The following IP6K1 variants were observed in gnomAD, a reference collection of about 807,000 sequenced individuals.
IP6K1 encodes inositol hexakisphosphate kinase 1.
IP6K1 carries 13 observed loss-of-function variants against 38.3 expected under a neutral mutation model. The observed-to-expected ratio is 0.34, with a 90% CI of 0.22 to 0.54. The LOEUF (loss-of-function observed/expected upper bound fraction) is 0.54, where lower values mean the gene tolerates loss of function less well. IP6K1 is among the 20% of genes least tolerant of loss of function. The pLI, the probability that IP6K1 is intolerant of heterozygous loss-of-function variation, is 0.92. For synonymous variants in IP6K1, 212 were observed against 229.9 expected (o/e 0.92, Z 0.70); for missense variants, 397 against 599.8 (o/e 0.66, Z 3.53).
intron 1 of IP6K1, among the ~76,000 whole-genome samples, chr3:49,768,809 A>G (rs2080932706): frequency 6.6e-6 from 1 of 152,122 alleles, no homozygotes; most frequent in Non-Finnish European, 1.5e-5. Flanking sequence ...TCATTGAGAC[A>G]AAAAGATTAT....
At chr3:49,732,374 G>T (rs1356194160) in intron 4 of IP6K1, among the ~76,000 whole-genome samples, 1 of 152,156 alleles carries the variant, frequency 6.6e-6, no homozygotes, top group Non-Finnish European at 1.5e-5. Context: ...CACATACGCA[G>T]ATCTGTGATT....
chr3:49,742,418 A>G (rs2080677281), intron 2 of IP6K1, among the ~76,000 whole-genome samples: 1 of 152,130 alleles, frequency 6.6e-6, no homozygotes, highest in Admixed American at 6.5e-5. Context: ...GCGTGGTGGT[A>G]CACGCCTGTA....
At chr3:49,757,972 T>A (rs1333013862) in intron 1 of IP6K1, among the ~76,000 whole-genome samples, 2 of 152,170 alleles carry the variant, frequency 1.3e-5, no homozygotes, top group African/African-American at 4.8e-5. Flanking sequence ...AGCATTGACC[T>A]TTTTAGATTA....
At chr3:49,765,431 GGAGA>G (rs2080902756) in intron 1 of IP6K1, among the ~76,000 whole-genome samples, 2 of 147,718 alleles carry the variant, frequency 1.4e-5, no homozygotes, top group Admixed American at 1.3e-4. Flanking sequence ...CATGAGGTCA[GGAGA>G]TGGAGACCAT....
At chr3:49,747,620 C>T (rs1575313110) in intron 2 of IP6K1, among the ~76,000 whole-genome samples, 198 bp downstream of exon 2, 1 of 152,176 alleles carries the variant, frequency 6.6e-6, no homozygotes, top group Admixed American at 6.6e-5. Context: ...TCAGCTTTAC[C>T]TATTAATAAA....
Position 49,727,734 on chromosome 3 carries a change from G to A in IP6K1, c.793-79C>T. 6.8e-7 allele frequency: 1 copy of A among 1,459,968 alleles called. No individual in the cohort carries two copies. Among genetic ancestry groups the A allele is most frequent in the Non-Finnish European group, 9.3e-7 (1 of 1,076,910 alleles). The allele number at this position is 1,459,968 out of a possible 1,614,324, so 90.4% of individuals were successfully genotyped here. On this transcript the variant is annotated intron_variant, in intron 5 of 5. Coordinates refer to ENST00000321599, the MANE Select transcript of IP6K1 (RefSeq NM_153273.4). This position sits in a 1 kb window ranked among gnomAD's most constrained non-coding sequence, Gnocchi z 5.9. ...CAGTGCCCTGGGCAAACACTGTCTG[G>A]AAGGGACTTTGACCAACCTGAGCTT...
intron 1 of IP6K1, among the ~76,000 whole-genome samples, chr3:49,785,247 C>T (rs1451976084): frequency 2.7e-5 from 4 of 148,348 alleles, no homozygotes; most frequent in Non-Finnish European, 6.0e-5. Flanking sequence ...GTGGCTCACA[C>T]TTGTAACCCC....
intron 1 of IP6K1, among the ~76,000 whole-genome samples, chr3:49,763,454 T>G (rs1269519491): frequency 6.6e-6 from 1 of 151,852 alleles, no homozygotes; most frequent in African/African-American, 2.4e-5. Flanking sequence ...CTTAACAAAA[T>G]AAATAAGAAA....
Position 49,726,918 on chromosome 3 carries a change from A to AGCCTG in IP6K1, c.*199_*203dup. On this transcript the variant is annotated 3_prime_UTR_variant, in exon 6 of 6. Transcript: ENST00000321599. ...ACCAGTCAGAGCCACAAAGCTGAGG[A>AGCCTG]GCCTGGCTGAGAGGGCGTGTGGTCT... 2 of 559,726 alleles carry AGCCTG rather than the reference A, an allele frequency of 3.6e-6. No individual in the cohort carries two copies. 34.7% of individuals were successfully genotyped at this position (559,726 alleles called of 1,614,324 possible).
chr3:49,753,726 CA>C (rs2080798499), intron 1 of IP6K1, among the ~76,000 whole-genome samples: 1 of 151,646 alleles, frequency 6.6e-6, no homozygotes, highest in Non-Finnish European at 1.5e-5. Flanking sequence ...GGTTATAAAC[CA>C]AAAAAGTTTA....
chr3:49,762,857 T>C (rs1234511914), intron 1 of IP6K1, among the ~76,000 whole-genome samples: 1 of 151,902 alleles, frequency 6.6e-6, no homozygotes, highest in African/African-American at 2.4e-5. Context: ...TGGCAACCTC[T>C]GTCTCCCAGG....
intron 1 of IP6K1, among the ~76,000 whole-genome samples, chr3:49,774,700 C>T (rs1045766008): frequency 6.6e-5 from 10 of 152,186 alleles, no homozygotes; most frequent in Non-Finnish European, 1.5e-4. Flanking sequence ...GGCTCCCAGA[C>T]ATTAAAGTCT....
At chr3:49,783,889 G>C (rs966066456) in intron 1 of IP6K1, among the ~76,000 whole-genome samples, 1 of 152,082 alleles carries the variant, frequency 6.6e-6, no homozygotes, top group Non-Finnish European at 1.5e-5. Flanking sequence ...TGCCTCACAA[G>C]TGCAGTATAA....
chr3:49,737,112 T>C (rs1371010783), intron 3 of IP6K1, among the ~76,000 whole-genome samples: 1 of 149,180 alleles, frequency 6.7e-6, no homozygotes, highest in Non-Finnish European at 1.5e-5. Flanking sequence ...GGTCTCACTA[T>C]GTTGCCCAAG....
At chr3:49,770,695 G>A (rs2080949837) in intron 1 of IP6K1, among the ~76,000 whole-genome samples, 2 of 152,090 alleles carry the variant, frequency 1.3e-5, no homozygotes, top group Non-Finnish European at 1.5e-5. Context: ...AGCCTTGCTA[G>A]AAATGTCCAA....
chr3:49,778,388 T>C (rs2081037450), intron 1 of IP6K1, among the ~76,000 whole-genome samples: 1 of 150,916 alleles, frequency 6.6e-6, no homozygotes, highest in Non-Finnish European at 1.5e-5. Context: ...ATCCCGGCAT[T>C]TTGGGAGGCC....
intron 2 of IP6K1, among the ~76,000 whole-genome samples, chr3:49,741,948 C>T (rs138271091): frequency 6.6e-6 from 1 of 152,226 alleles, no homozygotes; most frequent in East Asian, 1.9e-4. Context: ...TTCCTCCTCT[C>T]AAACTGAGTA....
chr3:49,770,810 C>A (rs2080950659), intron 1 of IP6K1, among the ~76,000 whole-genome samples: 1 of 152,128 alleles, frequency 6.6e-6, no homozygotes, highest in South Asian at 2.1e-4. Flanking sequence ...AAATTGAAAA[C>A]CTCTGATTAT....
chr3:49,772,710 A>G (rs142787906), intron 1 of IP6K1, among the ~76,000 whole-genome samples: 210 of 148,198 alleles, frequency 1.4e-3, no homozygotes, highest in South Asian at 6.2e-3. Context: ...GCCTCTCTCT[A>G]CTTCTGACTA....
Sources: allele counts gnomAD v4.1 joint callset (sites outside exome capture counted in the v4.1 genomes callset), GRCh38; gene constraint gnomAD v4.1.1; non-coding constraint Gnocchi (gnomAD v3.1); transcripts MANE v1.5; gene names NCBI Gene and HGNC (gene_info 2026-07-23, HGNC 2026-07-21).